ASCC3: variants seen among roughly 807,000 people sequenced by gnomAD.
The protein encoded by ASCC3 is ASC-1 complex subunit P200.
In ASCC3, 158 loss-of-function variants were observed where a neutral mutation model predicts 256.3. The ratio of observed to expected loss-of-function variants is 0.62; its 90% CI spans 0.54 to 0.70. ASCC3 has a LOEUF of 0.70. ASCC3 is among the 30% of genes least tolerant of loss of function. ASCC3 has a pLI of 0.00. For missense variants in ASCC3, 2,259 were observed against 2,626.0 expected (o/e 0.86, Z 3.05); for synonymous variants, 948 against 883.4 (o/e 1.07, Z -1.30).
At chr6:100,727,704 T>C (rs558218065) in intron 10 of ASCC3, among the ~76,000 whole-genome samples, 13 of 152,070 alleles carry the variant, frequency 8.5e-5, no homozygotes, top group Non-Finnish European at 1.5e-4. Flanking sequence ...ATATGTTTTA[T>C]TCATATTTTT....
chr6:100,510,194 T>A, intron 40 of ASCC3, 87 bp from the exon 41 acceptor site: 1 of 1,381,344 alleles, frequency 7.2e-7, no homozygotes, highest in Middle Eastern at 2.1e-4. Context: ...TTGTCTTACT[T>A]GAAGGCCATA....
chr6:100,532,411 T>A (rs7756352), intron 37 of ASCC3, among the ~76,000 whole-genome samples: 503 of 88,256 alleles, frequency 5.7e-3, no homozygotes, highest in East Asian at 0.029. Flanking sequence ...TATATATTTT[T>A]TTTTTTTTTT....
intron 30 of ASCC3, among the ~76,000 whole-genome samples, chr6:100,618,780 G>A (rs1471835168): frequency 6.6e-6 from 1 of 152,150 alleles, no homozygotes; most frequent in Non-Finnish European, 1.5e-5. Context: ...GTAAGAACAG[G>A]CACTTACTTT....
chr6:100,745,710 C>T (rs1044962642), intron 10 of ASCC3, among the ~76,000 whole-genome samples: 2 of 152,122 alleles, frequency 1.3e-5, no homozygotes, highest in African/African-American at 4.8e-5. Context: ...TGAAATCACG[C>T]TAATTGCAAA....
chr6:100,610,242 A>AAT (rs950069119), intron 30 of ASCC3, among the ~76,000 whole-genome samples: 24 of 152,310 alleles, frequency 1.6e-4, no homozygotes, highest in African/African-American at 5.1e-4. Context: ...AGCAACCTCT[A>AAT]ATATATATAA....
At chr6:100,592,730 T>C (rs1772068452) in intron 34 of ASCC3, among the ~76,000 whole-genome samples, 1 of 152,088 alleles carries the variant, frequency 6.6e-6, no homozygotes, top group African/African-American at 2.4e-5. Context: ...CTTAAAACAT[T>C]ACATATCATT....
intron 12 of ASCC3, among the ~76,000 whole-genome samples, chr6:100,716,747 T>C (rs1336743219): frequency 2.6e-5 from 4 of 151,956 alleles, no homozygotes; most frequent in Non-Finnish European, 5.9e-5. Context: ...GGTAACGTAC[T>C]GTAGTGAAAT....
chr6:100,579,245 C>T (rs1260525737), intron 36 of ASCC3, among the ~76,000 whole-genome samples: 2 of 151,294 alleles, frequency 1.3e-5, no homozygotes, highest in East Asian at 1.9e-4. Context: ...AATATTAGAC[C>T]TTTGTCAGAG....
intron 13 of ASCC3, among the ~76,000 whole-genome samples, chr6:100,701,939 TGAGA>T (rs1562236814): frequency 2.0e-5 from 3 of 151,234 alleles, no homozygotes; most frequent in Admixed American, 2.0e-4. Context: ...GAGGTGGAAG[TGAGA>T]GAGAAAGTAA....
At chr6:100,522,874 C>G (rs1189897798) in intron 37 of ASCC3, among the ~76,000 whole-genome samples, 1 of 150,324 alleles carries the variant, frequency 6.7e-6, no homozygotes, top group Non-Finnish European at 1.5e-5. Flanking sequence ...TTCTGGGGAA[C>G]CTGACTTCAA....
At chr6:100,628,034 T>A (rs980886843) in intron 27 of ASCC3, 47 bp from the exon 28 acceptor site, 1 of 1,600,790 alleles carries the variant, frequency 6.2e-7, no homozygotes, top group Non-Finnish European at 8.5e-7. Context: ...CAAGCCTGTG[T>A]TGGTCATTGC....
intron 4 of ASCC3, among the ~76,000 whole-genome samples, chr6:100,828,512 G>GT (rs1282249523): frequency 6.6e-6 from 1 of 152,162 alleles, no homozygotes; most frequent in Non-Finnish European, 1.5e-5. Context: ...CGCAGTGAGT[G>GT]TTATAGCTCT....
chr6:100,650,270 G>GA (rs1775595568), intron 20 of ASCC3, among the ~76,000 whole-genome samples: 1 of 150,962 alleles, frequency 6.6e-6, no homozygotes, highest in Admixed American at 6.6e-5. Context: ...ATTTAAAGTA[G>GA]AAAAAAATCA....
At chr6:100,657,965 G>C (rs537191985) in intron 16 of ASCC3, among the ~76,000 whole-genome samples, 2 of 151,544 alleles carry the variant, frequency 1.3e-5, no homozygotes, top group East Asian at 3.9e-4. Context: ...TTTTTTCATA[G>C]TGTGTCTTTG....
chr6:100,791,781 C>T (rs979836811), intron 8 of ASCC3, among the ~76,000 whole-genome samples: 3 of 151,932 alleles, frequency 2.0e-5, no homozygotes, highest in Non-Finnish European at 4.4e-5. Context: ...TTCACTAAGC[C>T]AAACATGGCA....
intron 16 of ASCC3, among the ~76,000 whole-genome samples, chr6:100,660,964 C>G (rs1776165866): frequency 6.6e-6 from 1 of 151,442 alleles, no homozygotes; most frequent in South Asian, 2.1e-4. Context: ...AAAGACTTAT[C>G]AATAATATGA....
intron 41 of ASCC3, 127 bp downstream of exon 41, chr6:100,509,805 G>A (rs899896519): frequency 1.9e-5 from 18 of 956,214 alleles, no homozygotes; most frequent in Middle Eastern, 3.4e-4. Context: ...GGAGAATGGC[G>A]TGAACCCGGG....
intron 3 of ASCC3, 120 bp from the exon 4 acceptor site, chr6:100,848,827 G>C: frequency 3.1e-6 from 3 of 974,278 alleles, no homozygotes; most frequent in Non-Finnish European, 4.7e-6. Context: ...CATAGCAATA[G>C]ACCAGGTGTA....
chr6:100,627,944 T>C lies in ASCC3; in HGVS notation c.4419A>G (p.Thr1473=), dbSNP rs1774323064. Residue 1473 remains threonine, a synonymous_variant, in exon 28 of 42, where the codon ACA becomes ACG. Transcript: ENST00000369162. ...GPVLEVIVSR[T]NFISSHTEKP... is the part of the protein sequence containing the mutation. ...TTTCTGTGTGTGATGAGATAAAATT[T>C]GTTCGAGATACAATGACCTCTAGAA... 6.2e-7 allele frequency: 1 copy of C among 1,613,640 alleles called. No homozygotes were observed. Among genetic ancestry groups the C allele is most frequent in the Non-Finnish European group, 8.5e-7 (1 of 1,179,798 alleles).
Sources: allele counts gnomAD v4.1 joint callset (sites outside exome capture counted in the v4.1 genomes callset), GRCh38; gene constraint gnomAD v4.1.1; transcripts MANE v1.5; gene names NCBI Gene and HGNC (gene_info 2026-07-23, HGNC 2026-07-21).